TMEM163: variants seen among roughly 807,000 people sequenced by gnomAD.
The protein encoded by TMEM163 is transmembrane protein 163.
In TMEM163, 17 loss-of-function variants were observed where a neutral mutation model predicts 29.3. The ratio of observed to expected loss-of-function variants is 0.58; its 90% CI spans 0.40 to 0.87. The LOEUF (loss-of-function observed/expected upper bound fraction) is 0.87, where lower values mean the gene tolerates loss of function less well. TMEM163 is among the 40% of genes least tolerant of loss of function. The pLI is 0.00. For synonymous variants in TMEM163, 157 were observed against 160.6 expected (o/e 0.98, Z 0.17); for missense variants, 303 against 381.5 (o/e 0.79, Z 1.71).
intron 5 of TMEM163, among the ~76,000 whole-genome samples, chr2:134,488,753 C>T (rs1679368819): frequency 6.6e-6 from 1 of 152,094 alleles, no homozygotes; most frequent in East Asian, 1.9e-4. Flanking sequence ...GTACCTGGAA[C>T]ACAGATAAAT....
intron 2 of TMEM163, among the ~76,000 whole-genome samples, chr2:134,634,399 G>T (rs1020579228): frequency 1.4e-5 from 2 of 140,026 alleles, no homozygotes; most frequent in African/African-American, 3.3e-5. Flanking sequence ...TTGTAGAGAG[G>T]TTGAGCATGT....
chr2:134,617,573 G>T lies in TMEM163; in HGVS notation c.323-65482C>A, dbSNP rs189142523. Among the ~76,000 whole-genome samples the T allele has an allele frequency of 5.0e-3, 743 of 149,684 alleles. 2 individuals carry two copies. Among genetic ancestry groups the T allele is most frequent in the Non-Finnish European group, 7.3e-3 (494 of 67,756 alleles). On this transcript the variant is annotated intron_variant, in intron 2 of 7. Transcript: ENST00000281924. ...GCCAAGATCGTGCCACTGCACTCCA[G>T]CCTGGGCAAAAAAGTGAGACCCCAT...
At chr2:134,599,136 A>G (rs762966152) in intron 2 of TMEM163, among the ~76,000 whole-genome samples, 3 of 151,920 alleles carry the variant, frequency 2.0e-5, no homozygotes, top group Non-Finnish European at 4.4e-5. Context: ...GCAAGTATGT[A>G]GGTGTTGACT....
rs552392182 is a variant in TMEM163 at position 134,575,163 on chromosome 2, G to A, written c.323-23072C>T. Among the ~76,000 whole-genome samples the A allele has an allele frequency of 7.6e-4, 115 of 152,264 alleles. 1 individual carries two copies. The highest frequency in any genetic ancestry group is 2.7e-3 in the African/African-American group (112 of 41,548). Reference sequence around the variant, plus strand: ...GTAGGGTTCTTCTTCCACACAGCTTGAGTGGGAAGAATCGAGAGGAAGTAA... The same window carrying A: ...GTAGGGTTCTTCTTCCACACAGCTTAAGTGGGAAGAATCGAGAGGAAGTAA... On this transcript the variant is annotated intron_variant, in intron 2 of 7. Transcript: ENST00000281924.
rs1159013721 is a variant in TMEM163, at chr2:134,493,362, C to CTTTTTTTTTTTTTTTTTTTTT, written c.555+9518_555+9538dup. 4.0e-5 allele frequency among the ~76,000 whole-genome samples: 2 copies of CTTTTTTTTTTTTTTTTTTTTT among 49,828 alleles called. 1 individual carries two copies. The highest frequency in any genetic ancestry group is 1.8e-4 in the African/African-American group (2 of 11,210). 32.7% of individuals were successfully genotyped at this position (49,828 alleles called of 152,430 possible). ...GACTTATGGTTCAAGCTTTTGGTGT[C>CTTTTTTTTTTTTTTTTTTTTT]TTTTTTTTTTTTTTTTTTTTTTTTT... On this transcript the variant is annotated intron_variant, in intron 5 of 7. Transcript: ENST00000281924.
chr2:134,569,053 G>A lies in TMEM163; in HGVS notation c.323-16962C>T, dbSNP rs564341002. On this transcript the variant is annotated intron_variant, in intron 2 of 7. Coordinates refer to ENST00000281924, the MANE Select transcript of TMEM163 (RefSeq NM_030923.5). ...GTTCTGATAGGATTTTATAGATGGA[G>A]AGCTGTGTTTTTGACATTCTACATG... 5.6e-4 allele frequency among the ~76,000 whole-genome samples: 86 copies of A among 152,318 alleles called. No individual in the cohort carries two copies. In the Middle Eastern group the frequency reaches 0.01, roughly 18 times the overall value.
intron 2 of TMEM163, among the ~76,000 whole-genome samples, chr2:134,687,701 G>C (rs1192325210): frequency 1.3e-5 from 2 of 152,164 alleles, no homozygotes; most frequent in African/African-American, 4.8e-5. Context: ...ACTGTGACCA[G>C]CACCCTACTT....
chr2:134,557,291 G>T (rs1036806683), intron 2 of TMEM163, among the ~76,000 whole-genome samples: 13 of 152,208 alleles, frequency 8.5e-5, no homozygotes, highest in African/African-American at 3.1e-4. Context: ...GCTAACAGTG[G>T]TTAATCTTTG....
chr2:134,671,687 G>A (rs1684000228), intron 2 of TMEM163, among the ~76,000 whole-genome samples: 1 of 152,198 alleles, frequency 6.6e-6, no homozygotes, highest in African/African-American at 2.4e-5. Flanking sequence ...AGTGGTCACA[G>A]AATAGAAAGA....
intron 5 of TMEM163, chr2:134,468,050 C>T (rs1686708476): frequency 6.6e-6 from 1 of 152,394 alleles, no homozygotes; most frequent in African/African-American, 2.4e-5. Context: ...AGGAGCCCCA[C>T]ATGGAAGCTC....
At chr2:134,465,988 A>G in intron 6 of TMEM163, 126 bp downstream of exon 6, 2 of 657,074 alleles carry the variant, frequency 3.0e-6, no homozygotes, top group Non-Finnish European at 5.2e-6. Context: ...GGCGGGTAGG[A>G]GAGTGAGAAA....
At chr2:134,522,860 G>C (rs75115850) in intron 4 of TMEM163, among the ~76,000 whole-genome samples, 1 of 152,040 alleles carries the variant, frequency 6.6e-6, no homozygotes, top group South Asian at 2.1e-4. Context: ...AACAAGGGGC[G>C]GGGGGAAAAA....
intron 2 of TMEM163, among the ~76,000 whole-genome samples, chr2:134,671,814 T>A (rs1684002541): frequency 6.6e-6 from 1 of 152,106 alleles, no homozygotes; most frequent in South Asian, 2.1e-4. Flanking sequence ...GCTCCACCCC[T>A]CTCTAGCTGT....
chr2:134,690,985 G>A (rs543675011), intron 2 of TMEM163, among the ~76,000 whole-genome samples: 1 of 152,312 alleles, frequency 6.6e-6, no homozygotes, highest in South Asian at 2.1e-4. Flanking sequence ...CCAGGGGTGG[G>A]TGACAAAACG....
intron 2 of TMEM163, among the ~76,000 whole-genome samples, chr2:134,712,625 T>G (rs1031917348): frequency 6.6e-6 from 1 of 152,232 alleles, no homozygotes; most frequent in Non-Finnish European, 1.5e-5. Flanking sequence ...TCAGCCTTCC[T>G]AACCCCCAAA....
At chr2:134,478,665 C>T (rs1224647953) in intron 5 of TMEM163, among the ~76,000 whole-genome samples, 1 of 152,130 alleles carries the variant, frequency 6.6e-6, no homozygotes, top group African/African-American at 2.4e-5. Context: ...AAAAGGGAAG[C>T]AGAGTGTTAA....
intron 6 of TMEM163, among the ~76,000 whole-genome samples, chr2:134,461,622 A>T (rs973069238): frequency 2.0e-5 from 3 of 152,226 alleles, no homozygotes; most frequent in Admixed American, 1.3e-4. Flanking sequence ...AGATCAGACC[A>T]GATTCACTGC....
chr2:134,584,173 A>T (rs1681758405), intron 2 of TMEM163, among the ~76,000 whole-genome samples: 1 of 152,214 alleles, frequency 6.6e-6, no homozygotes, highest in Admixed American at 6.5e-5. Context: ...CTCCAGGATA[A>T]AGTCATATTT....
intron 2 of TMEM163, among the ~76,000 whole-genome samples, chr2:134,702,865 G>A (rs1684733279): frequency 6.6e-6 from 1 of 152,118 alleles, no homozygotes; most frequent in South Asian, 2.1e-4. Context: ...GGTGTGTATG[G>A]ATAAAACAGC....
Sources: allele counts gnomAD v4.1 joint callset (sites outside exome capture counted in the v4.1 genomes callset), GRCh38; gene constraint gnomAD v4.1.1; transcripts MANE v1.5; gene names NCBI Gene and HGNC (gene_info 2026-07-23, HGNC 2026-07-21).